The following FOXP1 variants were observed in gnomAD, a reference collection of about 807,000 sequenced individuals.
FOXP1 encodes the protein forkhead box P1.
In FOXP1, 15 loss-of-function variants were observed where a neutral mutation model predicts 98.2. The observed-to-expected ratio is 0.15, with a 90% CI of 0.10 to 0.24. The LOEUF is 0.24. Ranked by LOEUF, FOXP1 falls within the 10% of genes least tolerant of loss-of-function variation. The pLI is 1.00. For synonymous variants in FOXP1, 371 were observed against 314.5 expected (o/e 1.18, Z -1.90); for missense variants, 633 against 848.5 (o/e 0.75, Z 3.15).
chr3:71,075,168 T>C (rs1434603913), intron 7 of FOXP1, among the ~76,000 whole-genome samples: 1 of 152,228 alleles, frequency 6.6e-6, no homozygotes, highest in Non-Finnish European at 1.5e-5. Flanking sequence ...GTTCTGATCC[T>C]GGTGGTACTA....
chr3:71,267,124 AGT>A (rs1553808466), intron 5 of FOXP1, among the ~76,000 whole-genome samples: 20,990 of 148,302 alleles, frequency 0.14, 1,926 homozygotes, highest in East Asian at 0.44. Context: ...TATGGGAGAG[AGT>A]GTGTGTGTGT....
At chr3:71,201,268 A>G (rs2063655059) in intron 5 of FOXP1, among the ~76,000 whole-genome samples, 1 of 152,362 alleles carries the variant, frequency 6.6e-6, no homozygotes, top group South Asian at 2.1e-4. Flanking sequence ...TTCATCACCA[A>G]AAAAGAAATG....
chr3:71,252,199 G>A (rs1317983609), intron 5 of FOXP1, among the ~76,000 whole-genome samples: 1 of 152,158 alleles, frequency 6.6e-6, no homozygotes, highest in Non-Finnish European at 1.5e-5. Context: ...GGAAAGTGAT[G>A]CCTGGTGCTT....
intron 2 of FOXP1, among the ~76,000 whole-genome samples, chr3:71,510,815 A>G (rs2042152580): frequency 6.6e-6 from 1 of 152,216 alleles, no homozygotes; most frequent in Admixed American, 6.5e-5. Flanking sequence ...ATAAACATAA[A>G]TCAAAGCTGA....
chr3:71,176,218 TG>T, intron 6 of FOXP1, among the ~76,000 whole-genome samples: 1 of 152,320 alleles, frequency 6.6e-6, no homozygotes, highest in African/African-American at 2.4e-5. Flanking sequence ...TTGGGGCACC[TG>T]GAGAAAGTCT....
At chr3:71,482,453 C>T (rs1366776276) in intron 3 of FOXP1, among the ~76,000 whole-genome samples, 4 of 148,950 alleles carry the variant, frequency 2.7e-5, no homozygotes, top group African/African-American at 5.0e-5. Flanking sequence ...ACTGCAACCT[C>T]GGCCTCCTGG....
chr3:71,428,876 G>A (rs2084408951), intron 3 of FOXP1, among the ~76,000 whole-genome samples: 1 of 152,168 alleles, frequency 6.6e-6, no homozygotes, highest in Admixed American at 6.5e-5. Flanking sequence ...CCACAACCTG[G>A]CTCGGCCAGG....
chr3:71,018,158 T>C (rs1346166608), intron 11 of FOXP1, among the ~76,000 whole-genome samples: 1 of 152,244 alleles, frequency 6.6e-6, no homozygotes, highest in Non-Finnish European at 1.5e-5. Context: ...ATGTTTGCTG[T>C]TCCCCTTCCT....
chr3:71,369,900 G>C (rs1473439222), intron 3 of FOXP1, among the ~76,000 whole-genome samples: 1 of 152,272 alleles, frequency 6.6e-6, no homozygotes, highest in East Asian at 1.9e-4. Flanking sequence ...AGACCTCCTG[G>C]AGCCCACATA....
chr3:71,189,588 C>T (rs557201199), intron 6 of FOXP1, among the ~76,000 whole-genome samples: 109 of 152,288 alleles, frequency 7.2e-4, no homozygotes, highest in African/African-American at 2.5e-3. Flanking sequence ...CCCCATGCCT[C>T]TCTCTTTCTG....
intron 11 of FOXP1, among the ~76,000 whole-genome samples, chr3:71,028,918 T>C (rs536277039): frequency 1.1e-4 from 17 of 152,320 alleles, no homozygotes; most frequent in Middle Eastern, 6.8e-3. Flanking sequence ...TTCACGCTCC[T>C]GTGAGAATCT....
chr3:71,349,399 A>T (rs974046970), intron 4 of FOXP1, among the ~76,000 whole-genome samples: 79 of 152,216 alleles, frequency 5.2e-4, no homozygotes, highest in African/African-American at 1.9e-3. Context: ...CAAATTGCAC[A>T]GTGATGCTTC....
chr3:71,403,845 T>C (rs1295803154), intron 3 of FOXP1, among the ~76,000 whole-genome samples: 2 of 151,960 alleles, frequency 1.3e-5, no homozygotes, highest in African/African-American at 4.8e-5. Flanking sequence ...AGCAAGACAC[T>C]GCCTCAAAAA....
intron 6 of FOXP1, among the ~76,000 whole-genome samples, chr3:71,157,695 C>T (rs528569811): frequency 6.6e-6 from 1 of 152,126 alleles, no homozygotes; most frequent in African/African-American, 2.4e-5. Flanking sequence ...TCTTTTCTGG[C>T]CTTTCATGAA....
intron 4 of FOXP1, among the ~76,000 whole-genome samples, chr3:71,325,442 G>A (rs1371041827): frequency 1.3e-5 from 2 of 152,148 alleles, no homozygotes; most frequent in East Asian, 1.9e-4. Flanking sequence ...TTGCCAGCTT[G>A]TCTCATGCCC....
At chr3:71,324,272 G>T (rs1341184173) in intron 4 of FOXP1, among the ~76,000 whole-genome samples, 1 of 152,106 alleles carries the variant, frequency 6.6e-6, no homozygotes, top group Non-Finnish European at 1.5e-5. Context: ...GTAAGGGGTT[G>T]CCCAAAGGAT....
chr3:71,361,161 G>T (rs2078536310), intron 3 of FOXP1, among the ~76,000 whole-genome samples: 1 of 152,150 alleles, frequency 6.6e-6, no homozygotes, highest in Admixed American at 6.5e-5. Flanking sequence ...ATTTCAGTTG[G>T]TAAAGGCTGT....
intron 4 of FOXP1, among the ~76,000 whole-genome samples, chr3:71,331,617 C>A (rs907235144): frequency 2.0e-5 from 3 of 152,240 alleles, no homozygotes; most frequent in African/African-American, 7.2e-5. Flanking sequence ...TGTAAATACA[C>A]CAATCAGCAC....
intron 6 of FOXP1, among the ~76,000 whole-genome samples, chr3:71,113,355 G>GCA (rs2058092585): frequency 1.3e-5 from 2 of 152,142 alleles, no homozygotes; most frequent in African/African-American, 4.8e-5. Flanking sequence ...ACATTGGGGA[G>GCA]GTAGTATGAA....
Sources: allele counts gnomAD v4.1 joint callset (sites outside exome capture counted in the v4.1 genomes callset), GRCh38; gene constraint gnomAD v4.1.1; transcripts MANE v1.5; gene names NCBI Gene and HGNC (gene_info 2026-07-23, HGNC 2026-07-21).